MYT1L: variants seen among roughly 807,000 people sequenced by gnomAD.
MYT1L encodes myelin transcription factor 1 like, also known as myelin transcription factor 1-like protein.
MYT1L carries 12 observed loss-of-function variants against 126.7 expected under a neutral mutation model. The observed-to-expected ratio is 0.09, with a 90% CI of 0.06 to 0.15. The LOEUF (loss-of-function observed/expected upper bound fraction) is 0.15. MYT1L is among the 10% of genes least tolerant of loss of function. MYT1L has a pLI of 1.00. For missense variants in MYT1L, 979 were observed against 1,585.2 expected, an observed-to-expected ratio of 0.62 and a Z score of 6.49; for synonymous variants, 541 against 604.2, an observed-to-expected ratio of 0.90 and a Z score of 1.53.
intron 10 of MYT1L, among the ~76,000 whole-genome samples, chr2:1,919,620 CAG>C (rs1220140301): frequency 6.6e-6 from 1 of 152,198 alleles, no homozygotes; most frequent in African/African-American, 2.4e-5. Flanking sequence ...AATAAAATAA[CAG>C]AGTGTCTGAA....
chr2:2,157,612 G>C (rs1478858413), intron 3 of MYT1L, among the ~76,000 whole-genome samples: 1 of 152,142 alleles, frequency 6.6e-6, no homozygotes, highest in Admixed American at 6.5e-5. Context: ...TACATGTGCT[G>C]AGCATATGAG....
intron 4 of MYT1L, among the ~76,000 whole-genome samples, chr2:2,013,150 A>G (rs2064007187): frequency 6.6e-6 from 1 of 152,120 alleles, no homozygotes; most frequent in Non-Finnish European, 1.5e-5. Context: ...TTATATCTCA[A>G]AGTTGTTGAT....
At chr2:2,079,576 C>T (rs1031886391) in intron 3 of MYT1L, among the ~76,000 whole-genome samples, 2 of 152,240 alleles carry the variant, frequency 1.3e-5, no homozygotes, top group East Asian at 1.9e-4. Context: ...GAGGCCAAGG[C>T]GGGTGGATCG....
chr2:2,230,576 T>G (rs1292166614), intron 2 of MYT1L, among the ~76,000 whole-genome samples: 1 of 152,210 alleles, frequency 6.6e-6, no homozygotes, highest in East Asian at 1.9e-4. Flanking sequence ...GCAAGCTGCA[T>G]GCCTGCAAGG....
chr2:2,291,708 C>T (rs1157989766), intron 1 of MYT1L, among the ~76,000 whole-genome samples: 4 of 152,240 alleles, frequency 2.6e-5, no homozygotes, highest in Admixed American at 2.6e-4. Context: ...TGCAGGTGGA[C>T]AGCAGCTTCC....
intron 3 of MYT1L, among the ~76,000 whole-genome samples, chr2:2,140,087 C>G (rs1465029343): frequency 6.6e-6 from 1 of 152,190 alleles, no homozygotes; most frequent in Non-Finnish European, 1.5e-5. Context: ...ATTTAATCAT[C>G]TGCCATAACA....
rs2054714885 is a variant in MYT1L at position 1,929,838 on chromosome 2, C to T, written c.506-6575G>A. ...AAGTCACCTGCTTGCCATTCATACT[C>T]CTTCCACAGGGACGAGTCTAGAATT... On this transcript the variant is annotated intron_variant, in intron 9 of 24. Transcript: ENST00000647738. The surrounding 1 kb of genome is among the most constrained non-coding windows in gnomAD (Gnocchi z 4.7). 6.6e-6 allele frequency among the ~76,000 whole-genome samples: 1 copy of T among 152,184 alleles called. No individual in the cohort carries two copies. Among genetic ancestry groups the T allele is most frequent in the Admixed American group, 6.5e-5 (1 of 15,288 alleles).
chr2:2,030,909 A>T (rs2066166876), intron 4 of MYT1L, among the ~76,000 whole-genome samples: 2 of 152,178 alleles, frequency 1.3e-5, no homozygotes, highest in African/African-American at 4.8e-5. Context: ...CTTAAAATTG[A>T]TTCGGGTTTT....
At position 2,112,500 on chromosome 2, in the gene MYT1L, C is replaced by T. The variant is rs55811313; in HGVS notation, c.-303-58377G>A. Among the ~76,000 whole-genome samples the T allele has an allele frequency of 7.5e-3, 1,135 of 152,310 alleles. 14 individuals are homozygous for T. The highest frequency in any genetic ancestry group is 0.026 in the African/African-American group (1,070 of 41,572). On this transcript the variant is annotated intron_variant, in intron 3 of 24. Transcript: ENST00000647738. ...TCCTTCTGCAAAGAGCTCATGCACACGATGCAGTGTGTGGTGGGGCATTGA... is the reference window on the plus strand; with the variant it reads ...TCCTTCTGCAAAGAGCTCATGCACATGATGCAGTGTGTGGTGGGGCATTGA...
chr2:2,002,115 T>C (rs2062450499), intron 4 of MYT1L, among the ~76,000 whole-genome samples: 1 of 152,212 alleles, frequency 6.6e-6, no homozygotes, highest in South Asian at 2.1e-4. Context: ...TCCATTCTAC[T>C]TCTTTTTATT....
intron 5 of MYT1L, among the ~76,000 whole-genome samples, chr2:1,980,033 G>A (rs2060485628): frequency 6.6e-6 from 1 of 152,076 alleles, no homozygotes; most frequent in African/African-American, 2.4e-5. Flanking sequence ...GGTAGATTTT[G>A]ATGAATCTTG....
chr2:1,887,387 C>T lies in MYT1L; in HGVS notation c.2642+101G>A, dbSNP rs1401046499. On this transcript the variant is annotated intron_variant, in intron 17 of 24. Coordinates refer to ENST00000647738, the MANE Select transcript of MYT1L (RefSeq NM_001303052.2). The surrounding 1 kb of genome is among the most constrained non-coding windows in gnomAD (Gnocchi z 4.8). ...AAACATTTATATGCTGCGAATGTCGCATGCTCAAACGGCAAGGCATATACA... is the reference window on the plus strand; with the variant it reads ...AAACATTTATATGCTGCGAATGTCGTATGCTCAAACGGCAAGGCATATACA... 7 of 1,481,914 alleles carry T rather than the reference C, an allele frequency of 4.7e-6. No individual in the cohort carries two copies. Among genetic ancestry groups the T allele is most frequent in the Admixed American group, 1.7e-5 (1 of 57,778 alleles). 91.8% of individuals were successfully genotyped at this position (1,481,914 alleles called of 1,614,324 possible). A position where few individuals can be genotyped will look rare whatever the true frequency, so the allele number is the denominator to read the frequency against.
In MYT1L at chr2:1,887,372, ATG is replaced by A; in HGVS notation, c.2642+114_2642+115del. The A allele has an allele frequency of 7.3e-7, 1 of 1,362,234 alleles. No homozygotes were observed. The highest frequency in any genetic ancestry group is 2.3e-5 in the East Asian group (1 of 43,362). 84.4% of individuals were successfully genotyped at this position (1,362,234 alleles called of 1,614,324 possible). On this transcript the variant is annotated intron_variant, in intron 17 of 24. Coordinates refer to ENST00000647738, the MANE Select transcript of MYT1L (RefSeq NM_001303052.2). The surrounding 1 kb of genome is among the most constrained non-coding windows in gnomAD (Gnocchi z 4.8). Reference sequence around the variant, plus strand: ...TGACCCAGCAGTCGGAAACATTTATATGCTGCGAATGTCGCATGCTCAAACGG... The same window carrying A: ...TGACCCAGCAGTCGGAAACATTTATACTGCGAATGTCGCATGCTCAAACGG...
chr2:2,071,523 T>C (rs1249333857), intron 3 of MYT1L, among the ~76,000 whole-genome samples: 1 of 152,148 alleles, frequency 6.6e-6, no homozygotes, highest in Non-Finnish European at 1.5e-5. Flanking sequence ...CAGGACGCCA[T>C]GGGCTCACCT....
chr2:1,808,402 A>G (rs2036059280), intron 22 of MYT1L, among the ~76,000 whole-genome samples: 1 of 152,174 alleles, frequency 6.6e-6, no homozygotes, highest in Admixed American at 6.5e-5. Context: ...CACAGGACTA[A>G]CTACAAAAGC....
At chr2:2,100,180 G>C (rs2077893173) in intron 3 of MYT1L, among the ~76,000 whole-genome samples, 1 of 152,142 alleles carries the variant, frequency 6.6e-6, no homozygotes, top group Non-Finnish European at 1.5e-5. Context: ...GGAGTTTTGA[G>C]CCAGGGTTTT....
At chr2:2,089,175 A>G (rs530981900) in intron 3 of MYT1L, among the ~76,000 whole-genome samples, 38 of 152,238 alleles carry the variant, frequency 2.5e-4, no homozygotes, top group Non-Finnish European at 4.1e-4. Context: ...TAAGAGGGTC[A>G]GGTCTAAAGT....
intron 8 of MYT1L, among the ~76,000 whole-genome samples, chr2:1,958,151 C>A (rs970564022): frequency 6.6e-6 from 1 of 152,074 alleles, no homozygotes; most frequent in African/African-American, 2.4e-5. Context: ...TAGAGAAATG[C>A]AATATTGCTT....
chr2:2,210,257 C>A (rs150661516), intron 2 of MYT1L, among the ~76,000 whole-genome samples: 2,079 of 152,158 alleles, frequency 0.014, 24 homozygotes, highest in South Asian at 0.039. Context: ...TTGATATGAT[C>A]CCATTTGTCG....
Sources: allele counts gnomAD v4.1 joint callset (sites outside exome capture counted in the v4.1 genomes callset), GRCh38; gene constraint gnomAD v4.1.1; non-coding constraint Gnocchi (gnomAD v3.1); transcripts MANE v1.5; gene names NCBI Gene and HGNC (gene_info 2026-07-23, HGNC 2026-07-21).